GOLM2: variants seen among roughly 807,000 people sequenced by gnomAD.
GOLM2 encodes protein GOLM2.
GOLM2 carries 26 observed loss-of-function variants against 55.9 expected under a neutral mutation model. The observed-to-expected ratio is 0.47, with a 90% CI of 0.34 to 0.65. The LOEUF (loss-of-function observed/expected upper bound fraction) is 0.65, where lower values mean the gene tolerates loss of function less well. Among genes scored for constraint, GOLM2 ranks in the 30% least tolerant of loss-of-function variants. The pLI is 0.01. For synonymous variants in GOLM2, 165 were observed against 194.6 expected, an observed-to-expected ratio of 0.85 and a Z score of 1.27; for missense variants, 486 against 531.8, an observed-to-expected ratio of 0.91 and a Z score of 0.85.
Position 44,333,436 on chromosome 15 carries a change from A to G in GOLM2, c.576+1358A>G, listed in dbSNP as rs148604615. 2.1e-3 allele frequency among the ~76,000 whole-genome samples: 313 copies of G among 152,272 alleles called. 2 individuals carry two copies. Among genetic ancestry groups the G allele is most frequent in the African/African-American group, 7.1e-3 (294 of 41,566 alleles). On this transcript the variant is annotated intron_variant, in intron 4 of 9. Coordinates refer to ENST00000299957, the MANE Select transcript of GOLM2 (RefSeq NM_138423.4). ...TTTATAGTAGGATATAGAGGGTGTC[A>G]TTTCTTTCTCCATTTCATTTTTTGA...
At chr15:44,338,416 T>A (rs546867842) in intron 6 of GOLM2, 99 bp downstream of exon 6, 2 of 825,462 alleles carry the variant, frequency 2.4e-6, no homozygotes, top group Non-Finnish European at 1.9e-6. Context: ...GTCACAGATA[T>A]CTGGATGATC....
At position 44,395,720 on chromosome 15, in the gene GOLM2, G is replaced by A. The variant is rs529788473; in HGVS notation, c.1073-7167G>A. Among the ~76,000 whole-genome samples, 12 of 151,908 alleles carry A rather than the reference G, an allele frequency of 7.9e-5. No individual in the cohort carries two copies. In the South Asian group the frequency reaches 2.3e-3, roughly 29 times the overall value. On this transcript the variant is annotated intron_variant, in intron 8 of 9. Transcript: ENST00000299957. Reference sequence around the variant, plus strand: ...CTGGGTGTGGTGGTACGCGCCTGTAGTCCCACCTACTCAGGAGGCTGAGGC... The same window carrying A: ...CTGGGTGTGGTGGTACGCGCCTGTAATCCCACCTACTCAGGAGGCTGAGGC...
At chr15:44,403,169 G>C in intron 9 of GOLM2, 115 bp downstream of exon 9, 11 of 1,285,452 alleles carry the variant, frequency 8.6e-6, no homozygotes, top group South Asian at 1.3e-5. Flanking sequence ...TAAATTTTTT[G>C]TTTTTTCTTT....
chr15:44,376,951 A>G (rs2079368866), intron 6 of GOLM2, among the ~76,000 whole-genome samples: 1 of 152,244 alleles, frequency 6.6e-6, no homozygotes, highest in African/African-American at 2.4e-5. Context: ...AAACAAAAAA[A>G]GGAAAGTAAA....
intron 6 of GOLM2, among the ~76,000 whole-genome samples, chr15:44,373,664 G>T (rs2079345212): frequency 6.6e-6 from 1 of 151,804 alleles, no homozygotes; most frequent in African/African-American, 2.4e-5. Flanking sequence ...TAAGGCAAGA[G>T]AATTGCTTGA....
At chr15:44,386,714 T>A (rs1294490917) in intron 8 of GOLM2, among the ~76,000 whole-genome samples, 4 of 151,476 alleles carry the variant, frequency 2.6e-5, no homozygotes, top group Non-Finnish European at 5.9e-5. Context: ...CTAAAAAAAA[T>A]TTAAAAATTA....
chr15:44,329,103 T>A (rs2079004211), intron 3 of GOLM2, among the ~76,000 whole-genome samples: 2 of 152,140 alleles, frequency 1.3e-5, no homozygotes, highest in African/African-American at 4.8e-5. Context: ...AGAAGATTTG[T>A]GATTCTTTTT....
intron 6 of GOLM2, among the ~76,000 whole-genome samples, chr15:44,369,066 ATTATAT>A (rs1214351145): frequency 2.3e-4 from 14 of 60,076 alleles, no homozygotes; most frequent in African/African-American, 8.2e-4. Context: ...AATAGGATAT[ATTATAT>A]ATATATATAT....
At chr15:44,358,114 G>A (rs1467129617) in intron 6 of GOLM2, among the ~76,000 whole-genome samples, 1 of 152,194 alleles carries the variant, frequency 6.6e-6, no homozygotes, top group African/African-American at 2.4e-5. Context: ...AGCACTTTGG[G>A]AGGCCAAGGC....
chr15:44,289,051 C>T lies in GOLM2; in HGVS notation c.22C>T (p.Arg8Trp). 6.2e-7 allele frequency: 1 copy of T among 1,613,544 alleles called. No homozygotes were observed. The highest frequency in any genetic ancestry group is 1.7e-5 in the Admixed American group (1 of 60,010). Residue 8 changes from arginine to tryptophan, a missense_variant, in exon 1 of 10, where the codon CGG becomes TGG. Transcript: ENST00000299957. This position sits in a 1 kb window ranked among gnomAD's most constrained non-coding sequence, Gnocchi z 4.8. Reference protein sequence around the residue: MVGFGANRRAGRLPSLVL... With the variant: MVGFGANWRAGRLPSLVL... ...CCCCATGGTGGGTTTCGGGGCCAAC[C>T]GGCGGGCTGGCCGCCTGCCCTCTCT...
At chr15:44,382,986 T>C (rs1307618590) in intron 8 of GOLM2, among the ~76,000 whole-genome samples, 1 of 151,262 alleles carries the variant, frequency 6.6e-6, no homozygotes, top group Non-Finnish European at 1.5e-5. Flanking sequence ...TTATTTTCCA[T>C]TTATCATTAA....
chr15:44,409,244 A>G (rs1236655619), intron 9 of GOLM2, among the ~76,000 whole-genome samples: 1 of 149,890 alleles, frequency 6.7e-6, no homozygotes, highest in African/African-American at 2.5e-5. Context: ...AGATCGCGCC[A>G]CTGCACTCCA....
chr15:44,322,022 T>C (rs1178388982), intron 1 of GOLM2, among the ~76,000 whole-genome samples: 1 of 152,012 alleles, frequency 6.6e-6, no homozygotes, highest in Non-Finnish European at 1.5e-5. Context: ...ATTGCATCAC[T>C]GTACTCCAGC....
intron 6 of GOLM2, among the ~76,000 whole-genome samples, chr15:44,370,632 C>T (rs575588177): frequency 6.6e-6 from 1 of 152,208 alleles, no homozygotes; most frequent in South Asian, 2.1e-4. Context: ...ATGGTTGGTG[C>T]TCCATGACCT....
At chr15:44,377,954 A>C (rs963635099) in intron 6 of GOLM2, among the ~76,000 whole-genome samples, 1 of 151,108 alleles carries the variant, frequency 6.6e-6, no homozygotes, top group Non-Finnish European at 1.5e-5. Context: ...GTTAAAGTTT[A>C]ATTTCTTTGT....
At chr15:44,401,829 CTTTTT>C (rs754956674) in intron 8 of GOLM2, among the ~76,000 whole-genome samples, 66 of 119,698 alleles carry the variant, frequency 5.5e-4, no homozygotes, top group African/African-American at 1.9e-3. Context: ...TTCTTGATTT[CTTTTT>C]TTTTTTTTTT....
chr15:44,338,390 G>C (rs979230884), intron 6 of GOLM2, 73 bp downstream of exon 6: 10 of 1,114,976 alleles, frequency 9.0e-6, no homozygotes, highest in Admixed American at 6.1e-5. Flanking sequence ...TCTCTTTTTC[G>C]GTAACACTTG....
intron 1 of GOLM2, among the ~76,000 whole-genome samples, chr15:44,306,985 T>C (rs2078841646): frequency 6.6e-6 from 1 of 152,152 alleles, no homozygotes; most frequent in African/African-American, 2.4e-5. Context: ...CCATGACAGA[T>C]GTAATAAAGA....
At chr15:44,385,283 C>G (rs546639334) in intron 8 of GOLM2, among the ~76,000 whole-genome samples, 1 of 152,156 alleles carries the variant, frequency 6.6e-6, no homozygotes, top group East Asian at 1.9e-4. Context: ...TACCATTTTA[C>G]ATTCCCACCA....
Sources: allele counts gnomAD v4.1 joint callset (sites outside exome capture counted in the v4.1 genomes callset), GRCh38; gene constraint gnomAD v4.1.1; non-coding constraint Gnocchi (gnomAD v3.1); transcripts MANE v1.5; gene names NCBI Gene and HGNC (gene_info 2026-07-23, HGNC 2026-07-21).